The following PSG11 variants were observed in gnomAD, a reference collection of about 807,000 sequenced individuals.
PSG11 encodes the protein pregnancy specific beta-1-glycoprotein 11, also known as pregnancy-specific beta-1-glycoprotein 11.
Under a neutral mutation model 36.0 loss-of-function variants are expected in PSG11, and 42 were observed. The observed-to-expected ratio is 1.17, with a 90% CI of 0.91 to 1.51. The LOEUF (loss-of-function observed/expected upper bound fraction) is 1.51, where lower values mean the gene tolerates loss of function less well. Among genes scored for constraint, PSG11 ranks in the 40% most tolerant of loss-of-function variants. PSG11 has a pLI of 0.00. For missense variants in PSG11, 558 were observed against 403.5 expected (o/e 1.38, Z -3.28); for synonymous variants, 206 against 153.5 (o/e 1.34, Z -2.53).
chr19:43,011,918 A>G (rs890590652), intron 4 of PSG11, among the ~76,000 whole-genome samples: 7 of 149,268 alleles, frequency 4.7e-5, no homozygotes, highest in African/African-American at 1.5e-4. Context: ...AAAAAAAAAG[A>G]AAGAAAAATG....
chr19:43,007,859 G>T lies in PSG11; in HGVS notation c.*224C>A. ...AGCACATTTTCCAATAAAAAATTATGAAAACATTATCCTTTTGTTATTTAG... is the reference window on the plus strand; with the variant it reads ...AGCACATTTTCCAATAAAAAATTATTAAAACATTATCCTTTTGTTATTTAG... On this transcript the variant is annotated 3_prime_UTR_variant, in exon 6 of 6. Coordinates refer to ENST00000320078, the MANE Select transcript of PSG11 (RefSeq NM_002785.3). The T allele has an allele frequency of 3.0e-6, 1 of 334,006 alleles. No individual in the cohort carries two copies. The highest frequency in any genetic ancestry group is 2.2e-5 in the African/African-American group (1 of 46,424). The allele number at this position is 334,006 out of a possible 1,614,324, so 20.7% of individuals were successfully genotyped here. A position where few individuals can be genotyped will look rare whatever the true frequency, so the allele number is the denominator to read the frequency against.
intron 2 of PSG11, chr19:43,019,263 C>G: frequency 9.1e-7 from 1 of 1,095,330 alleles, no homozygotes; most frequent in Non-Finnish European, 1.3e-6. Context: ...CAGACTTTCT[C>G]AGGTGTGAAT....
At position 43,015,706 on chromosome 19, in the gene PSG11, C is replaced by A; in HGVS notation, c.710-336G>T. 3 of 1,594,858 alleles carry A rather than the reference C, an allele frequency of 1.9e-6. 1 individual carries two copies. The South Asian group carries it at 3.4e-5, about 18-fold the overall frequency. ...CTTGGACCGGAGAGAGACTGAGAGG[C>A]CTGGCCCCTGGTCGTTTGGATTTAA... On this transcript the variant is annotated intron_variant, in intron 3 of 5. Transcript: ENST00000320078.
chr19:43,022,888 A>G, intron 2 of PSG11, among the ~76,000 whole-genome samples: 1 of 150,408 alleles, frequency 6.6e-6, no homozygotes, highest in Non-Finnish European at 1.5e-5. Flanking sequence ...GGAATAGAAC[A>G]GCCAGCCTAG....
chr19:43,008,788 A>G lies in PSG11; in HGVS notation c.*41-746T>C, dbSNP rs539488894. 1.1e-4 allele frequency among the ~76,000 whole-genome samples: 17 copies of G among 151,500 alleles called. No homozygotes were observed. The South Asian group carries it at 1.5e-3, about 13-fold the overall frequency. Reference sequence around the variant, plus strand: ...AAGGTATAGTCTTATGTATGTTGAAAAAGATCCTTAGGTAATTCCAGTACT... The same window carrying G: ...AAGGTATAGTCTTATGTATGTTGAAGAAGATCCTTAGGTAATTCCAGTACT... On this transcript the variant is annotated intron_variant, in intron 5 of 5. Transcript: ENST00000320078.
At chr19:43,022,264 A>G (rs1967119432) in intron 2 of PSG11, among the ~76,000 whole-genome samples, 1 of 151,464 alleles carries the variant, frequency 6.6e-6, no homozygotes. Context: ...GTAGAACGTG[A>G]GATTGGTCTT....
At chr19:43,012,776 A>G (rs6509051) in intron 4 of PSG11, among the ~76,000 whole-genome samples, 70,228 of 150,860 alleles carry the variant, frequency 0.47, 17,991 homozygotes, top group East Asian at 0.99. Context: ...GCAGAAAAAG[A>G]AAAATCTGTC....
chr19:43,022,344 C>T (rs1354781136), intron 2 of PSG11, among the ~76,000 whole-genome samples: 1 of 151,288 alleles, frequency 6.6e-6, no homozygotes, highest in Non-Finnish European at 1.5e-5. Flanking sequence ...ACTAATGGCT[C>T]AGCCCGTCAT....
At chr19:43,018,603 A>G in intron 3 of PSG11, 167 bp downstream of exon 3, 1 of 1,485,006 alleles carries the variant, frequency 6.7e-7, no homozygotes, top group Non-Finnish European at 9.2e-7. Context: ...ACTGTGGATC[A>G]AGCCTAGGCC....
chr19:43,018,309 G>C (rs150689712), intron 3 of PSG11: 1 of 239,208 alleles, frequency 4.2e-6, no homozygotes, highest in Non-Finnish European at 8.3e-6. Context: ...GGAGAGCTTG[G>C]GGACTTCCCC....
intron 2 of PSG11, chr19:43,019,265 G>C: frequency 9.4e-7 from 1 of 1,062,336 alleles, no homozygotes; most frequent in Non-Finnish European, 1.3e-6. Context: ...GACTTTCTCA[G>C]GTGTGAATTG....
At chr19:43,020,440 A>T (rs761532201) in intron 2 of PSG11, among the ~76,000 whole-genome samples, 4 of 151,306 alleles carry the variant, frequency 2.6e-5, no homozygotes, top group East Asian at 1.9e-4. Context: ...TACTGTAATT[A>T]TCCCATAAAA....
Position 43,024,770 on chromosome 19 carries a change from T to C in PSG11, c.351A>G (p.Ala117=), listed in dbSNP as rs1967196127. The change falls in exon 2 of 6, where the codon GCA becomes GCG. Residue 117 remains alanine (A), a synonymous_variant. Transcript: ENST00000320078. The stretch of plus-strand genomic sequence containing the variant: ...TTATGATGTGTAAGGTGTAGGATCC[T>C]GCGTCCTCCCGGGTGACATTCTGGA... ...LLIQNVTRED[A]GSYTLHIIKR... 5 of 1,612,056 alleles carry C rather than the reference T, an allele frequency of 3.1e-6. No individual in the cohort carries two copies. The East Asian group carries it at 1.1e-4, about 36-fold the overall frequency.
At chr19:43,015,667 T>A (rs1456140785) in intron 3 of PSG11, 3 of 1,548,062 alleles carry the variant, frequency 1.9e-6, no homozygotes, top group Non-Finnish European at 2.6e-6. Flanking sequence ...TGTCCAAAAG[T>A]AAAGGTGTCT....
intron 2 of PSG11, among the ~76,000 whole-genome samples, chr19:43,020,689 G>A (rs924798070): frequency 4.6e-5 from 7 of 151,312 alleles, no homozygotes; most frequent in Admixed American, 1.3e-4. Flanking sequence ...GAAATTAGCA[G>A]CTCCTTAAGT....
Position 43,014,958 on chromosome 19 carries a change from C to G in PSG11, c.964+158G>C, listed in dbSNP as rs553425833. 2.4e-5 allele frequency: 36 copies of G among 1,526,858 alleles called. No homozygotes were observed. In the South Asian group the frequency reaches 4.7e-4, roughly 20 times the overall value. 94.6% of individuals were successfully genotyped at this position (1,526,858 alleles called of 1,614,324 possible). A position where few individuals can be genotyped will look rare whatever the true frequency, so the allele number is the denominator to read the frequency against. On this transcript the variant is annotated intron_variant, in intron 4 of 5. Transcript: ENST00000320078. Reference sequence around the variant, plus strand: ...AACAGAAAAAAAAGGAGAAGAGAGTCTGTAGAGACAAATTGGGAGGGTTCA... The same window carrying G: ...AACAGAAAAAAAAGGAGAAGAGAGTGTGTAGAGACAAATTGGGAGGGTTCA...
intron 2 of PSG11, 137 bp from the exon 3 acceptor site, chr19:43,019,185 C>A (rs914098935): frequency 1.3e-6 from 2 of 1,489,986 alleles, no homozygotes; most frequent in Non-Finnish European, 1.8e-6. Context: ...GTGTGTGTTA[C>A]AACACAGATG....
intron 4 of PSG11, chr19:43,010,416 C>G: frequency 6.5e-7 from 1 of 1,530,784 alleles, no homozygotes; most frequent in East Asian, 2.4e-5. Context: ...GTCAGATCTC[C>G]ATGGCAGGGA....
intron 3 of PSG11, 116 bp from the exon 4 acceptor site, chr19:43,015,486 A>C: frequency 1.9e-5 from 26 of 1,393,804 alleles, no homozygotes; most frequent in Non-Finnish European, 2.3e-5. Context: ...AGTCCCAGCC[A>C]AACCCCCTCT....
Sources: gnomAD v4.1 joint callset for allele counts (sites outside exome capture counted in the v4.1 genomes callset) on GRCh38, gnomAD v4.1.1 for gene constraint, MANE v1.5 for transcripts, NCBI Gene and HGNC (gene_info 2026-07-23, HGNC 2026-07-21) for gene names.